Variants in RAB3IP observed in about 807,000 individuals in gnomAD.
The protein encoded by RAB3IP is RAB3A interacting protein, also known as rab-3A-interacting protein.
Under a neutral mutation model 59.1 loss-of-function variants are expected in RAB3IP, and 36 were observed. That is an observed-to-expected ratio of 0.61 (90% CI 0.47 to 0.80). The LOEUF (loss-of-function observed/expected upper bound fraction) is 0.80, where lower values mean the gene tolerates loss of function less well. Ranked by LOEUF, RAB3IP falls within the 30% of genes least tolerant of loss-of-function variation. The probability of loss-of-function intolerance (pLI) is 0.00; values close to 1 mark genes in which losing one functional copy is unlikely to be tolerated. For synonymous variants in RAB3IP, 207 were observed against 191.2 expected, an observed-to-expected ratio of 1.08 and a Z score of -0.68; for missense variants, 511 against 536.0, an observed-to-expected ratio of 0.95 and a Z score of 0.46.
intron 8 of RAB3IP, among the ~76,000 whole-genome samples, chr12:69,803,645 C>A (rs1592602741): frequency 6.6e-6 from 1 of 152,034 alleles, no homozygotes; most frequent in South Asian, 2.1e-4. Context: ...TATCCCTCCC[C>A]ACTCCCCCAA....
At chr12:69,794,105 A>G (rs942026769) in intron 4 of RAB3IP, among the ~76,000 whole-genome samples, 1 of 152,216 alleles carries the variant, frequency 6.6e-6, no homozygotes, top group Non-Finnish European at 1.5e-5. Flanking sequence ...TAGTGACCAC[A>G]TTATAAAAAG....
In RAB3IP at chr12:69,821,633, G is replaced by T. The variant is rs575948444; in HGVS notation, c.*6187G>T. On this transcript the variant is annotated 3_prime_UTR_variant, in exon 11 of 11. Coordinates refer to ENST00000247833, the MANE Select transcript of RAB3IP (RefSeq NM_022456.5). ...GTTTATTTTTCTGTTTGTCCATCTT[G>T]TTTTTGAACAATTGCCAGCATTTAA... 24 of 152,256 alleles carry T rather than the reference G, an allele frequency of 1.6e-4. No individual in the cohort carries two copies. The East Asian group carries it at 2.9e-3, about 18-fold the overall frequency. 9.4% of individuals were successfully genotyped at this position (152,256 alleles called of 1,614,324 possible).
chr12:69,783,608 G>T (rs1333644529), intron 3 of RAB3IP, among the ~76,000 whole-genome samples: 1 of 152,190 alleles, frequency 6.6e-6, no homozygotes, highest in African/African-American at 2.4e-5. Flanking sequence ...ACAGGTTTTT[G>T]CAGTCACCTG....
chr12:69,739,868 G>C, intron 1 of RAB3IP: 1 of 1,614,068 alleles, frequency 6.2e-7, no homozygotes, highest in South Asian at 1.1e-5. Context: ...AAAGATGAAA[G>C]GGTAAGGTCT....
In RAB3IP at chr12:69,819,305, C is replaced by T. The variant is rs1414073615; in HGVS notation, c.*3859C>T. On this transcript the variant is annotated 3_prime_UTR_variant, in exon 11 of 11. Coordinates refer to ENST00000247833, the MANE Select transcript of RAB3IP (RefSeq NM_022456.5). ...CTTAGGCTTTTGGCTTGAGCTATTG[C>T]AGTTTATTGAGATGGGGAAATACAT... 1 of 152,100 alleles carries T rather than the reference C, an allele frequency of 6.6e-6. No homozygotes were observed. The highest frequency in any genetic ancestry group is 1.5e-5 in the Non-Finnish European group (1 of 68,038). 9.4% of individuals were successfully genotyped at this position (152,100 alleles called of 1,614,324 possible).
At chr12:69,804,318 T>C (rs1370189104) in intron 8 of RAB3IP, among the ~76,000 whole-genome samples, 5 of 152,252 alleles carry the variant, frequency 3.3e-5, no homozygotes, top group Admixed American at 6.5e-5. Flanking sequence ...TGTCTGTTCA[T>C]ATCCTTTGCC....
chr12:69,790,275 G>T lies in RAB3IP; in HGVS notation c.607-4162G>T, dbSNP rs1165479242. 2.0e-5 allele frequency among the ~76,000 whole-genome samples: 3 copies of T among 152,030 alleles called. No homozygotes were observed. The East Asian group carries it at 5.8e-4, about 29-fold the overall frequency. On this transcript the variant is annotated intron_variant, in intron 4 of 10. Transcript: ENST00000247833. ...ACATGGACAACCAGTTACCTGAAAA[G>T]GAATTTAAGAGAACAATCTCATGAT...
Position 69,821,334 on chromosome 12 carries a change from G to C in RAB3IP, c.*5888G>C, listed in dbSNP as rs556187123. Reference sequence around the variant, plus strand: ...CAAAATGGGGATATCAAGAGAGTTGGAAAATGTAAGACGTAAAGACCATAA... The same window carrying C: ...CAAAATGGGGATATCAAGAGAGTTGCAAAATGTAAGACGTAAAGACCATAA... On this transcript the variant is annotated 3_prime_UTR_variant, in exon 11 of 11. Coordinates refer to ENST00000247833, the MANE Select transcript of RAB3IP (RefSeq NM_022456.5). 1 of 152,332 alleles carries C rather than the reference G, an allele frequency of 6.6e-6. No homozygotes were observed. The highest frequency in any genetic ancestry group is 2.1e-4 in the South Asian group (1 of 4,822). The allele number at this position is 152,332 out of a possible 1,614,324, so 9.4% of individuals were successfully genotyped here. A position where few individuals can be genotyped will look rare whatever the true frequency, so the allele number is the denominator to read the frequency against.
intron 3 of RAB3IP, among the ~76,000 whole-genome samples, chr12:69,759,739 C>T (rs1331213984): frequency 8.7e-5 from 13 of 149,550 alleles, no homozygotes; most frequent in African/African-American, 2.2e-4. Context: ...GGCTGCCGGG[C>T]GGGGGCTGAC....
chr12:69,798,094 A>G lies in RAB3IP; in HGVS notation c.889-2115A>G, dbSNP rs372961348. ...TCTAGTTCTAGGTCCCTGAGGAATC[A>G]CCACACTGACTTCCACAATGGTTGA... On this transcript the variant is annotated intron_variant, in intron 6 of 10. Transcript: ENST00000247833. Among the ~76,000 whole-genome samples the G allele has an allele frequency of 9.1e-4, 138 of 152,264 alleles. 1 individual carries two copies. In the East Asian group the frequency reaches 0.015, roughly 16 times the overall value.
intron 3 of RAB3IP, among the ~76,000 whole-genome samples, chr12:69,782,915 C>G (rs1393736241): frequency 6.6e-6 from 1 of 151,940 alleles, no homozygotes; most frequent in Non-Finnish European, 1.5e-5. Context: ...ACTTTGTGGT[C>G]GTACACTTGA....
At chr12:69,786,086 A>C (rs1875604622) in intron 4 of RAB3IP, among the ~76,000 whole-genome samples, 3 of 152,180 alleles carry the variant, frequency 2.0e-5, no homozygotes, top group Admixed American at 2.0e-4. Context: ...GGGGGGTGGA[A>C]ATTCCATCAC....
At position 69,820,553 on chromosome 12, in the gene RAB3IP, G is replaced by GAAAAAAAAAAAAAAAAAAAAAA. The variant is rs34028619; in HGVS notation, c.*5128_*5129insAAAAAAAAAAAAAAAAAAAAAA. ...TTTGAGTGGCTTCCCATTGCACTTA[G>GAAAAAAAAAAAAAAAAAAAAAA]AAAAAAAAAAAAAAAAAAAAACTGG... On this transcript the variant is annotated 3_prime_UTR_variant, in exon 11 of 11. Coordinates refer to ENST00000247833, the MANE Select transcript of RAB3IP (RefSeq NM_022456.5). 1 of 99,422 alleles carries GAAAAAAAAAAAAAAAAAAAAAA rather than the reference G, an allele frequency of 1.0e-5. No homozygotes were observed. Among genetic ancestry groups the GAAAAAAAAAAAAAAAAAAAAAA allele is most frequent in the African/African-American group, 3.5e-5 (1 of 28,700 alleles). The allele number at this position is 99,422 out of a possible 1,614,324, so 6.2% of individuals were successfully genotyped here.
intron 8 of RAB3IP, among the ~76,000 whole-genome samples, chr12:69,810,451 TC>T (rs1465478560): frequency 3.9e-5 from 6 of 152,164 alleles, no homozygotes; most frequent in Non-Finnish European, 7.4e-5. Flanking sequence ...AAATCACCCG[TC>T]TTCTGTGTGG....
intron 8 of RAB3IP, among the ~76,000 whole-genome samples, chr12:69,803,646 A>C (rs1343838301): frequency 6.7e-6 from 1 of 149,506 alleles, no homozygotes; most frequent in Admixed American, 6.7e-5. Flanking sequence ...ATCCCTCCCC[A>C]CTCCCCCAAC....
At position 69,755,541 on chromosome 12, in the gene RAB3IP, C is replaced by T. The variant is rs1440162114; in HGVS notation, c.133C>T (p.Pro45Ser). Residue 45 changes from proline (P) to serine (S), a missense_variant, in exon 2 of 11, where the codon CCT (proline) becomes TCT (serine). Physicochemically the swap from Pro to Ser is moderately conservative, Grantham distance 74. Transcript: ENST00000247833. ...ACCAAGTGTCATCTACCGGCCACAC[C>T]CTTCAGCTTTATCCTCTGTACCTAT... is the stretch of plus-strand genomic sequence containing the variant. ...TSPSVIYRPH[P>S]SALSSVPIQA... The T allele has an allele frequency of 6.2e-7, 1 of 1,614,044 alleles. No homozygotes were observed. Among genetic ancestry groups the T allele is most frequent in the East Asian group, 2.2e-5 (1 of 44,872 alleles).
intron 3 of RAB3IP, among the ~76,000 whole-genome samples, chr12:69,772,104 T>A (rs1388847250): frequency 6.6e-6 from 1 of 152,222 alleles, no homozygotes; most frequent in East Asian, 1.9e-4. Context: ...TGCTCCAATG[T>A]AAGGTGCATA....
chr12:69,746,974 T>C (rs372311897), intron 1 of RAB3IP, among the ~76,000 whole-genome samples: 2 of 152,360 alleles, frequency 1.3e-5, no homozygotes, highest in South Asian at 2.1e-4. Flanking sequence ...CTTGGAATAT[T>C]TAATTTCTAT....
chr12:69,744,144 C>T (rs1411475964), intron 1 of RAB3IP, among the ~76,000 whole-genome samples: 1 of 152,028 alleles, frequency 6.6e-6, no homozygotes, highest in Non-Finnish European at 1.5e-5. Flanking sequence ...TAGCCCGCCA[C>T]TCCCCCACAG....
Sources: allele counts gnomAD v4.1 joint callset (sites outside exome capture counted in the v4.1 genomes callset), GRCh38; gene constraint gnomAD v4.1.1; transcripts MANE v1.5; gene names NCBI Gene and HGNC (gene_info 2026-07-23, HGNC 2026-07-21).